Variants in PCDH11X observed in about 807,000 individuals in gnomAD.
The protein encoded by PCDH11X is protocadherin-11 X-linked.
PCDH11X carries 18 observed loss-of-function variants against 53.3 expected under a neutral mutation model. That is an observed-to-expected ratio of 0.34 (90% CI 0.23 to 0.50). PCDH11X has a LOEUF of 0.50. Among genes scored for constraint, PCDH11X ranks in the 20% least tolerant of loss-of-function variants. The pLI is 0.98. For missense variants in PCDH11X, 570 were observed against 1,032.4 expected (o/e 0.55, Z 6.14); for synonymous variants, 279 against 393.3 (o/e 0.71, Z 3.44).
At chrX:92,110,773 G>C (rs771007978) in intron 6 of PCDH11X, among the ~76,000 whole-genome samples, 2 of 110,717 alleles carry the variant, frequency 1.8e-5, no homozygotes, top group African/African-American at 6.6e-5. Context: ...CCATCTCATC[G>C]AGGAACCAAA....
intron 6 of PCDH11X, among the ~76,000 whole-genome samples, chrX:92,123,358 C>T (rs1328322025): frequency 9.0e-6 from 1 of 111,358 alleles, no homozygotes; most frequent in Non-Finnish European, 1.9e-5. Flanking sequence ...TTATCATTGT[C>T]ACACCACCTA....
At chrX:92,159,626 A>AG (rs1353356670) in intron 6 of PCDH11X, among the ~76,000 whole-genome samples, 1 of 103,102 alleles carries the variant, frequency 9.7e-6, no homozygotes, top group Non-Finnish European at 2.0e-5. Flanking sequence ...TAAAAAAAAA[A>AG]AGGCAATTTA....
intron 8 of PCDH11X, among the ~76,000 whole-genome samples, chrX:92,270,178 A>G (rs2067923348): frequency 9.6e-6 from 1 of 103,855 alleles, no homozygotes; most frequent in Non-Finnish European, 1.9e-5. Flanking sequence ...GTGCCATCTC[A>G]GCTCACTGAA....
rs1009081632 is a variant in PCDH11X, at chrX:92,008,525, C to T, written c.3033+129252C>T. Among the ~76,000 whole-genome samples, 60 of 110,743 alleles carry T rather than the reference C, an allele frequency of 5.4e-4. 1 individual carries two copies. The highest frequency in any genetic ancestry group is 2.0e-3 in the African/African-American group (60 of 30,421). On this transcript the variant is annotated intron_variant, in intron 6 of 10. Coordinates refer to ENST00000682573, the MANE Select transcript of PCDH11X (RefSeq NM_032968.5). ...CCATGCCGAGGTGGGGGAGTGGTAG[C>T]ATCGGTAATTCTACAGGGTTTATTT...
At chrX:91,887,961 T>C (rs1940308169) in intron 6 of PCDH11X, among the ~76,000 whole-genome samples, 1 of 111,732 alleles carries the variant, frequency 8.9e-6, no homozygotes, top group Non-Finnish European at 1.9e-5. Context: ...AAAAATACCA[T>C]CTAATATTTT....
At chrX:92,550,193 G>A (rs967320152) in intron 10 of PCDH11X, among the ~76,000 whole-genome samples, 11 of 110,112 alleles carry the variant, frequency 1.0e-4, no homozygotes, top group East Asian at 2.9e-4. Context: ...GGAAACATGC[G>A]GTATTAATCC....
chrX:92,278,520 A>T (rs1480490537), intron 8 of PCDH11X, among the ~76,000 whole-genome samples: 2 of 110,175 alleles, frequency 1.8e-5, no homozygotes, highest in East Asian at 2.9e-4. Flanking sequence ...GCAATGGAAA[A>T]TTACAGTCAA....
chrX:91,890,856 C>G (rs755408847), intron 6 of PCDH11X, among the ~76,000 whole-genome samples: 2 of 110,737 alleles, frequency 1.8e-5, no homozygotes, highest in African/African-American at 6.6e-5. Context: ...GCATACATGC[C>G]TACCTATGTA....
At chrX:91,869,984 A>G (rs1231781218) in intron 5 of PCDH11X, among the ~76,000 whole-genome samples, 1 of 112,143 alleles carries the variant, frequency 8.9e-6, no homozygotes, top group East Asian at 2.8e-4. Flanking sequence ...TAGGATGTTT[A>G]CAGAATTAAT....
intron 6 of PCDH11X, among the ~76,000 whole-genome samples, chrX:91,994,684 A>G (rs1274089374): frequency 9.1e-6 from 1 of 110,241 alleles, no homozygotes; most frequent in Non-Finnish European, 1.9e-5. Context: ...GCTGAATCAC[A>G]TTGTAGGTCT....
intron 5 of PCDH11X, among the ~76,000 whole-genome samples, chrX:91,852,531 C>T (rs1485365885): frequency 9.0e-6 from 1 of 111,345 alleles, no homozygotes; most frequent in Non-Finnish European, 1.9e-5. Flanking sequence ...ATTTATAATT[C>T]CATTTATGCC....
chrX:92,612,010 T>A (rs1927447708), intron 10 of PCDH11X, among the ~76,000 whole-genome samples: 1 of 106,630 alleles, frequency 9.4e-6, no homozygotes, highest in African/African-American at 3.4e-5. Context: ...TTTTGACAAT[T>A]TTTGTGTCTT....
chrX:92,297,984 T>C (rs1204896283), intron 8 of PCDH11X, among the ~76,000 whole-genome samples: 1 of 110,105 alleles, frequency 9.1e-6, no homozygotes, highest in African/African-American at 3.3e-5. Context: ...CCAATTTTTG[T>C]ACATTGATTT....
intron 7 of PCDH11X, among the ~76,000 whole-genome samples, chrX:92,240,959 A>C (rs1254502028): frequency 9.0e-6 from 1 of 110,842 alleles, no homozygotes; most frequent in African/African-American, 3.3e-5. Flanking sequence ...TTTTTTATGA[A>C]TCTCAGCAAA....
In PCDH11X at chrX:92,198,268, G is replaced by A. The variant is rs752740251; in HGVS notation, c.3034-3107G>A. On this transcript the variant is annotated intron_variant, in intron 6 of 10. Coordinates refer to ENST00000682573, the MANE Select transcript of PCDH11X (RefSeq NM_032968.5). ...AAGAAAAAAAATACAAAAATTAGCC[G>A]GGCATGGTGACATGTGCCTGTAGTC... Among the ~76,000 whole-genome samples the A allele has an allele frequency of 2.5e-4, 26 of 105,245 alleles. No individual in the cohort carries two copies. The South Asian group carries it at 2.7e-3, about 11-fold the overall frequency. 91.4% of individuals were successfully genotyped at this position (105,245 alleles called of 115,157 possible).
chrX:91,925,496 C>A (rs2147827823), intron 6 of PCDH11X, among the ~76,000 whole-genome samples: 1 of 111,340 alleles, frequency 9.0e-6, no homozygotes, highest in African/African-American at 3.3e-5. Flanking sequence ...TATGATCTAG[C>A]AGTCTTTCTC....
chrX:92,221,324 C>CACAT (rs1222976809), intron 7 of PCDH11X, among the ~76,000 whole-genome samples: 1 of 79,229 alleles, frequency 1.3e-5, no homozygotes, highest in African/African-American at 4.4e-5. Flanking sequence ...CACACACACA[C>CACAT]ACATATATAC....
intron 8 of PCDH11X, among the ~76,000 whole-genome samples, chrX:92,374,791 G>A (rs1303683229): frequency 9.1e-6 from 1 of 110,163 alleles, no homozygotes; most frequent in African/African-American, 3.3e-5. Flanking sequence ...ATTGAGCCAG[G>A]TTTTAAAGTG....
intron 6 of PCDH11X, among the ~76,000 whole-genome samples, chrX:92,053,080 T>C (rs2148050016): frequency 1.8e-5 from 2 of 112,198 alleles, no homozygotes; most frequent in East Asian, 5.6e-4. Context: ...TCATGTATTC[T>C]AATGTTAATT....
Sources: gnomAD v4.1 joint callset for allele counts (sites outside exome capture counted in the v4.1 genomes callset) on GRCh38, gnomAD v4.1.1 for gene constraint, MANE v1.5 for transcripts, NCBI Gene and HGNC (gene_info 2026-07-23, HGNC 2026-07-21) for gene names.